JAM2: variants seen among roughly 807,000 people sequenced by gnomAD.
The protein encoded by JAM2 is junctional adhesion molecule B.
JAM2 carries 17 observed loss-of-function variants against 42.0 expected under a neutral mutation model. That is an observed-to-expected ratio of 0.40 (90% CI 0.28 to 0.61). JAM2 has a LOEUF of 0.61. Among genes scored for constraint, JAM2 ranks in the 20% least tolerant of loss-of-function variants. The pLI, the probability that JAM2 is intolerant of heterozygous loss-of-function variation, is 0.37. For synonymous variants in JAM2, 118 were observed against 128.6 expected, an observed-to-expected ratio of 0.92 and a Z score of 0.56; for missense variants, 319 against 358.3, an observed-to-expected ratio of 0.89 and a Z score of 0.89.
chr21:25,706,768 C>A (rs146622955), intron 7 of JAM2, among the ~76,000 whole-genome samples: 1 of 152,246 alleles, frequency 6.6e-6, no homozygotes, highest in East Asian at 1.9e-4. Context: ...GAGACGGAGT[C>A]TCACTGTGTC....
chr21:25,710,117 C>T (rs2034352580), intron 8 of JAM2: 3 of 151,966 alleles, frequency 2.0e-5, no homozygotes, highest in Admixed American at 2.0e-4. Context: ...TGATGATTAC[C>T]CAGACAAGAA....
intron 1 of JAM2, among the ~76,000 whole-genome samples, chr21:25,658,413 C>T (rs537531927): frequency 1.3e-5 from 2 of 152,074 alleles, no homozygotes; most frequent in African/African-American, 2.4e-5. Flanking sequence ...CTGTACCTAT[C>T]CCCTGTATTT....
intron 1 of JAM2, among the ~76,000 whole-genome samples, chr21:25,677,112 G>C (rs1445193649): frequency 6.6e-6 from 1 of 151,738 alleles, no homozygotes. Flanking sequence ...TTGGATGACG[G>C]CTACACTAAA....
chr21:25,687,112 G>T (rs544521241), intron 2 of JAM2, among the ~76,000 whole-genome samples: 2 of 152,132 alleles, frequency 1.3e-5, no homozygotes, highest in South Asian at 2.1e-4. Context: ...AGGTAAATTT[G>T]TGATGGTATA....
At chr21:25,693,976 C>T in intron 4 of JAM2, 68 bp downstream of exon 4, 1 of 1,476,946 alleles carries the variant, frequency 6.8e-7, no homozygotes. Context: ...TGGGGGCAAG[C>T]AAGCACTGGT....
intron 4 of JAM2, among the ~76,000 whole-genome samples, chr21:25,697,927 G>GCACA (rs35767783): frequency 1.3e-3 from 183 of 146,150 alleles, no homozygotes; most frequent in East Asian, 6.8e-3. Context: ...AAATCTATCT[G>GCACA]CACACACACA....
intron 2 of JAM2, among the ~76,000 whole-genome samples, chr21:25,687,920 T>G (rs1483244632): frequency 6.6e-6 from 1 of 152,244 alleles, no homozygotes; most frequent in Non-Finnish European, 1.5e-5. Flanking sequence ...CCTCATCAAC[T>G]GCTAACGTAC....
At chr21:25,648,337 T>A (rs974909893) in intron 1 of JAM2, among the ~76,000 whole-genome samples, 8 of 152,222 alleles carry the variant, frequency 5.3e-5, no homozygotes, top group African/African-American at 1.9e-4. Context: ...TGCAGCCATC[T>A]ATGTCATAAA....
In JAM2 at chr21:25,671,709, A is replaced by T. The variant is rs1039477330; in HGVS notation, c.68-12174A>T. Among the ~76,000 whole-genome samples, 10 of 152,252 alleles carry T rather than the reference A, an allele frequency of 6.6e-5. No homozygotes were observed. The South Asian group carries it at 2.1e-3, about 32-fold the overall frequency. On this transcript the variant is annotated intron_variant, in intron 1 of 9. Coordinates refer to ENST00000480456, the MANE Select transcript of JAM2 (RefSeq NM_021219.4). ...TTTTTAGTAGAGATGGGGTTTCACCATGTTGGCCAGGCTGGTCTCGAACTC... is the reference window on the plus strand; with the variant it reads ...TTTTTAGTAGAGATGGGGTTTCACCTTGTTGGCCAGGCTGGTCTCGAACTC...
chr21:25,651,076 A>AAAAAC (rs2032767179), intron 1 of JAM2, among the ~76,000 whole-genome samples: 1 of 149,306 alleles, frequency 6.7e-6, no homozygotes, highest in Non-Finnish European at 1.5e-5. Flanking sequence ...AAAAAAAAAA[A>AAAAAC]AAAAAAACAA....
chr21:25,650,611 G>A (rs1294725327), intron 1 of JAM2, among the ~76,000 whole-genome samples: 1 of 152,084 alleles, frequency 6.6e-6, no homozygotes, highest in East Asian at 1.9e-4. Context: ...TTAATAAATT[G>A]TAATATGTAT....
chr21:25,657,433 A>G (rs9980213), intron 1 of JAM2, among the ~76,000 whole-genome samples: 9,135 of 152,298 alleles, frequency 0.06, 303 homozygotes, highest in Middle Eastern at 0.092. Flanking sequence ...AAACTCATTA[A>G]TTTTATGAAT....
At chr21:25,711,188 A>G (rs577219833) in intron 8 of JAM2, among the ~76,000 whole-genome samples, 1 of 152,250 alleles carries the variant, frequency 6.6e-6, no homozygotes, top group African/African-American at 2.4e-5. Flanking sequence ...TTAATATTTG[A>G]TATGCTTATT....
At chr21:25,684,038 T>A (rs1156439327) in intron 2 of JAM2, 90 bp downstream of exon 2, 2 of 810,510 alleles carry the variant, frequency 2.5e-6, no homozygotes, top group Non-Finnish European at 3.8e-6. Context: ...TTGTTGGGAT[T>A]CTCTGCCTTA....
At chr21:25,679,562 A>G (rs1263999796) in intron 1 of JAM2, among the ~76,000 whole-genome samples, 1 of 152,178 alleles carries the variant, frequency 6.6e-6, no homozygotes, top group Non-Finnish European at 1.5e-5. Flanking sequence ...AAAACATCCT[A>G]CAGTGCACAG....
At chr21:25,704,644 A>C (rs2034234676) in intron 6 of JAM2, among the ~76,000 whole-genome samples, 2 of 152,254 alleles carry the variant, frequency 1.3e-5, no homozygotes, top group South Asian at 4.1e-4. Context: ...TTGCTCCTTT[A>C]ATAAATACAT....
chr21:25,704,061 GTTT>G (rs397940878), intron 6 of JAM2, among the ~76,000 whole-genome samples: 2 of 144,694 alleles, frequency 1.4e-5, no homozygotes, highest in African/African-American at 5.0e-5. Flanking sequence ...CTACAAGACA[GTTT>G]TTTTTTTTTG....
chr21:25,690,984 A>G (rs1023358902), intron 3 of JAM2, among the ~76,000 whole-genome samples: 7 of 152,352 alleles, frequency 4.6e-5, no homozygotes, highest in Admixed American at 2.0e-4. Flanking sequence ...AATGATACAG[A>G]TGAAACAAGA....
At chr21:25,647,367 G>A (rs1458355744) in intron 1 of JAM2, among the ~76,000 whole-genome samples, 1 of 152,026 alleles carries the variant, frequency 6.6e-6, no homozygotes, top group East Asian at 1.9e-4. Flanking sequence ...GTATATATAA[G>A]CATACTCTTA....
Sources: gnomAD v4.1 joint callset for allele counts (sites outside exome capture counted in the v4.1 genomes callset) on GRCh38, gnomAD v4.1.1 for gene constraint, MANE v1.5 for transcripts, NCBI Gene and HGNC (gene_info 2026-07-23, HGNC 2026-07-21) for gene names.